The following PLEKHA4 variants were observed in gnomAD, a reference collection of about 807,000 sequenced individuals.
PLEKHA4 encodes the protein pleckstrin homology domain containing A4, also known as pleckstrin homology domain-containing family A member 4.
A neutral mutation model predicts 94.7 loss-of-function variants in PLEKHA4; 73 were observed. The ratio of observed to expected loss-of-function variants is 0.77; its 90% CI spans 0.64 to 0.94. The LOEUF is 0.94. PLEKHA4 is among the 40% of genes least tolerant of loss of function. The probability of loss-of-function intolerance (pLI) is 0.00; values close to 1 mark genes in which losing one functional copy is unlikely to be tolerated. For missense variants in PLEKHA4, 1,049 were observed against 1,054.1 expected (o/e 1.00, Z 0.07); for synonymous variants, 449 against 437.1 (o/e 1.03, Z -0.34).
Position 48,867,506 on chromosome 19 carries a change from T to C in PLEKHA4, c.84+31A>G. On this transcript the variant is annotated intron_variant, in intron 2 of 19. Transcript: ENST00000263265. This position sits in a 1 kb window ranked among gnomAD's most constrained non-coding sequence, Gnocchi z 4.7. ...AGGATGGGCGGCCCAGAGCCCCACC[T>C]TCCTCCCCATCCCCGCCAGGAAGCT... is the stretch of plus-strand genomic sequence containing the variant. The C allele has an allele frequency of 6.4e-7, 1 of 1,569,804 alleles. No homozygotes were observed. Among genetic ancestry groups the C allele is most frequent in the Non-Finnish European group, 8.6e-7 (1 of 1,158,922 alleles).
chr19:48,857,461 G>A lies in PLEKHA4; in HGVS notation c.1008C>T (p.Pro336=), dbSNP rs753196367. ...HSGSPTYLQL[P]PRPPGTRASM... The stretch of plus-strand genomic sequence containing the variant: ...AGGCCCGGGTCCCAGGGGGCCGCGG[G>A]GGGAGCTGGAGATAAGTGGGGGAGC... Residue 336 remains proline (P), a synonymous_variant, in exon 9 of 20, where the codon CCC becomes CCT. Coordinates refer to ENST00000263265, the MANE Select transcript of PLEKHA4 (RefSeq NM_020904.3). 13 of 1,568,002 alleles carry A rather than the reference G, an allele frequency of 8.3e-6. No homozygotes were observed. The highest frequency in any genetic ancestry group is 2.0e-5 in the Admixed American group (1 of 49,860).
In PLEKHA4 at chr19:48,866,712, T is replaced by C. The variant is rs193259996; in HGVS notation, c.84+825A>G. On this transcript the variant is annotated intron_variant, in intron 2 of 19. Coordinates refer to ENST00000263265, the MANE Select transcript of PLEKHA4 (RefSeq NM_020904.3). ...TCCACTGCCAAGAAGCAGATGCCCT[T>C]GGCCACCAGAGCCAGAGCTGTAGTA... 2.6e-5 allele frequency among the ~76,000 whole-genome samples: 4 copies of C among 152,236 alleles called. No individual in the cohort carries two copies. The East Asian group carries it at 7.7e-4, about 29-fold the overall frequency.
chr19:48,844,119 TTTATTATTATTA>T (rs60910939), intron 16 of PLEKHA4, among the ~76,000 whole-genome samples: 5,070 of 134,832 alleles, frequency 0.038, 245 homozygotes, highest in Admixed American at 0.12. Context: ...CCTTATTTAT[TTTATTATTATTA>T]TTATTATTAT....
intron 2 of PLEKHA4, 102 bp from the exon 3 acceptor site, chr19:48,865,712 C>T: frequency 4.0e-6 from 3 of 751,992 alleles, no homozygotes; most frequent in Middle Eastern, 2.5e-4. Flanking sequence ...CTTGGCTGCC[C>T]TGAGAAATGG....
chr19:48,860,452 T>G lies in PLEKHA4; in HGVS notation c.374A>C (p.His125Pro). 6.2e-7 allele frequency: 1 copy of G among 1,613,498 alleles called. No individual in the cohort carries two copies. The highest frequency in any genetic ancestry group is 8.5e-7 in the Non-Finnish European group (1 of 1,179,584). ...RGRRFTFTAE[H>P]PGMRTYVLAA... ...CAAAACGTAGGTCCTCATGCCCGGGTGCTCTGCCTGCGGGAAGAGAAGGCT... is the reference window on the plus strand; with the variant it reads ...CAAAACGTAGGTCCTCATGCCCGGGGGCTCTGCCTGCGGGAAGAGAAGGCT... Residue 125 changes from histidine (H) to proline (P), a missense_variant, in exon 6 of 20, where the codon CAC (histidine) becomes CCC (proline). By Grantham distance (77) the His-to-Pro change is moderately conservative. Transcript: ENST00000263265.
At chr19:48,853,537 G>C (rs2036284161) in intron 12 of PLEKHA4, 145 bp downstream of exon 12, 2 of 890,168 alleles carry the variant, frequency 2.2e-6, no homozygotes, top group African/African-American at 3.4e-5. Context: ...ACAAGACAAT[G>C]AGGAGAGAGA....
intron 8 of PLEKHA4, among the ~76,000 whole-genome samples, chr19:48,857,777 C>A (rs1278884700): frequency 6.6e-6 from 1 of 150,924 alleles, no homozygotes; most frequent in Non-Finnish European, 1.5e-5. Flanking sequence ...ACAAACACTG[C>A]GGAAGGCCGC....
chr19:48,852,260 G>T lies in PLEKHA4; in HGVS notation c.1393C>A (p.Leu465Met). ...GAACCAAGGTGCAGCAGGTACTCCAGCGTCTCTCTTAAGGTGCCCAGCTCC... is the reference window on the plus strand; with the variant it reads ...GAACCAAGGTGCAGCAGGTACTCCATCGTCTCTCTTAAGGTGCCCAGCTCC... ...EQELGTLRET[L>M]EYLLHLGSPQ... Residue 465 changes from leucine to methionine, a missense_variant, in exon 13 of 20, where the codon CTG becomes ATG. Physicochemically the swap from Leu to Met is conservative, Grantham distance 15. Transcript: ENST00000263265. 1.9e-6 allele frequency: 3 copies of T among 1,614,098 alleles called. No homozygotes were observed. Among genetic ancestry groups the T allele is most frequent in the Non-Finnish European group, 2.5e-6 (3 of 1,180,030 alleles).
rs570432095 is a variant in PLEKHA4 at position 48,866,919 on chromosome 19, C to T, written c.84+618G>A. Among the ~76,000 whole-genome samples the T allele has an allele frequency of 3.9e-5, 6 of 152,320 alleles. No individual in the cohort carries two copies. In the South Asian group the frequency reaches 1.2e-3, roughly 32 times the overall value. On this transcript the variant is annotated intron_variant, in intron 2 of 19. Coordinates refer to ENST00000263265, the MANE Select transcript of PLEKHA4 (RefSeq NM_020904.3). ...CCATCCTGCCCGGATGGAGCCTCAT[C>T]TCCTGATGCCCACAGATATCTCAGG...
intron 17 of PLEKHA4, among the ~76,000 whole-genome samples, chr19:48,839,868 G>A (rs2035685371): frequency 6.6e-6 from 1 of 151,766 alleles, no homozygotes; most frequent in South Asian, 2.1e-4. Context: ...GGAGGCCGAG[G>A]TGAGCAGATC....
intron 14 of PLEKHA4, 37 bp from the exon 15 acceptor site, chr19:48,845,653 T>G: frequency 1.5e-6 from 2 of 1,349,480 alleles, no homozygotes; most frequent in Non-Finnish European, 2.0e-6. Flanking sequence ...TGATGATCAT[T>G]ATAATAATTA....
At chr19:48,853,544 G>A (rs2036284401) in intron 12 of PLEKHA4, 138 bp downstream of exon 12, 1 of 944,800 alleles carries the variant, frequency 1.1e-6, no homozygotes, top group Non-Finnish European at 1.4e-6. Flanking sequence ...AATGAGGAGA[G>A]AGAAAAAATA....
At chr19:48,856,593 C>T (rs2036419477) in intron 9 of PLEKHA4, among the ~76,000 whole-genome samples, 1 of 152,040 alleles carries the variant, frequency 6.6e-6, no homozygotes, top group African/African-American at 2.4e-5. Context: ...TGGCACGTGC[C>T]TGTAATCCCA....
chr19:48,852,154 T>C (rs1036577725), intron 13 of PLEKHA4, 74 bp downstream of exon 13: 13 of 1,207,594 alleles, frequency 1.1e-5, no homozygotes, highest in Non-Finnish European at 1.6e-5. Context: ...TGGGCGAAGA[T>C]TAAATGCTAA....
chr19:48,847,863 T>G, intron 14 of PLEKHA4, 37 bp downstream of exon 14: 2 of 1,522,428 alleles, frequency 1.3e-6, no homozygotes, highest in Admixed American at 2.2e-5. Flanking sequence ...AGGTGGGACA[T>G]GAAGCTTGGG....
Position 48,845,449 on chromosome 19 carries a change from G to A in PLEKHA4, c.1667-3C>T, listed in dbSNP as rs1463592921. ...GGAGACCCTCGGAGACCCAAGACCT[G>A]GAAAGACAGAACGGGACTTGGTGAG... On this transcript the variant is annotated splice_polypyrimidine_tract_variant and splice_region_variant and intron_variant, in intron 15 of 19. Transcript: ENST00000263265. 4 of 1,613,876 alleles carry A rather than the reference G, an allele frequency of 2.5e-6. No homozygotes were observed. Among genetic ancestry groups the A allele is most frequent in the Non-Finnish European group, 3.4e-6 (4 of 1,179,994 alleles).
At chr19:48,839,432 T>C (rs2035669764) in intron 17 of PLEKHA4, among the ~76,000 whole-genome samples, 169 bp from the exon 18 acceptor site, 1 of 152,172 alleles carries the variant, frequency 6.6e-6, no homozygotes, top group African/African-American at 2.4e-5. Context: ...TAAAAATTAA[T>C]TTATTTTATT....
chr19:48,862,144 T>G (rs2036665939), intron 3 of PLEKHA4, among the ~76,000 whole-genome samples: 1 of 151,136 alleles, frequency 6.6e-6, no homozygotes, highest in Admixed American at 6.6e-5. Flanking sequence ...GAAGGAGAGC[T>G]GGAAGCCCTC....
rs1328511671 is a variant in PLEKHA4 at position 48,848,049 on chromosome 19, A to G, written c.1426-9T>C. The G allele has an allele frequency of 1.2e-6, 2 of 1,612,980 alleles. No individual in the cohort carries two copies. Among genetic ancestry groups the G allele is most frequent in the African/African-American group, 2.7e-5 (2 of 74,906 alleles). On this transcript the variant is annotated splice_polypyrimidine_tract_variant and intron_variant, in intron 13 of 19. Transcript: ENST00000263265. ...TGAGCAGACACTCTGTCCTGCAGGG[A>G]GGAAAGGAATTTGTTACTTAAAGGT...
Sources: allele counts gnomAD v4.1 joint callset (sites outside exome capture counted in the v4.1 genomes callset), GRCh38; gene constraint gnomAD v4.1.1; non-coding constraint Gnocchi (gnomAD v3.1); transcripts MANE v1.5; gene names NCBI Gene and HGNC (gene_info 2026-07-23, HGNC 2026-07-21).